The following GNAQ variants were observed in gnomAD, a reference collection of about 807,000 sequenced individuals.
The protein encoded by GNAQ is guanine nucleotide-binding protein G(q) subunit alpha.
Under a neutral mutation model 43.9 loss-of-function variants are expected in GNAQ, and 8 were observed. That is an observed-to-expected ratio of 0.18 (90% CI 0.11 to 0.33). The LOEUF (loss-of-function observed/expected upper bound fraction) is 0.33, where lower values mean the gene tolerates loss of function less well. Among genes scored for constraint, GNAQ ranks in the 10% least tolerant of loss-of-function variants. GNAQ has a pLI of 1.00. For missense variants in GNAQ, 158 were observed against 450.8 expected, an observed-to-expected ratio of 0.35 and a Z score of 5.88; for synonymous variants, 155 against 170.7, an observed-to-expected ratio of 0.91 and a Z score of 0.71.
At chr9:77,880,775 C>G (rs183581221) in intron 2 of GNAQ, among the ~76,000 whole-genome samples, 1 of 152,102 alleles carries the variant, frequency 6.6e-6, no homozygotes, top group South Asian at 2.1e-4. Context: ...CCTGCTGATA[C>G]GCATTATGCC....
chr9:77,920,070 C>T (rs949779154), intron 2 of GNAQ, among the ~76,000 whole-genome samples: 1 of 151,716 alleles, frequency 6.6e-6, no homozygotes, highest in Non-Finnish European at 1.5e-5. Flanking sequence ...ACCTGAGAGG[C>T]GCAGATTGCA....
rs112553971 is a variant in GNAQ at position 78,005,669 on chromosome 9, T to A, written c.136+25431A>T. On this transcript the variant is annotated intron_variant, in intron 1 of 6. Coordinates refer to ENST00000286548, the MANE Select transcript of GNAQ (RefSeq NM_002072.5). Reference sequence around the variant, plus strand: ...ATCCCATGTGATCCTCCCAACAAACTTGGTGCAGTAGTGCATGGGTCAAGG... The same window carrying A: ...ATCCCATGTGATCCTCCCAACAAACATGGTGCAGTAGTGCATGGGTCAAGG... Among the ~76,000 whole-genome samples the A allele has an allele frequency of 5.9e-3, 902 of 152,214 alleles. 3 individuals are homozygous for A. Among genetic ancestry groups the A allele is most frequent in the African/African-American group, 0.02 (851 of 41,518 alleles).
intron 1 of GNAQ, among the ~76,000 whole-genome samples, chr9:78,023,767 A>G (rs1413548851): frequency 1.3e-5 from 2 of 152,142 alleles, no homozygotes; most frequent in African/African-American, 4.8e-5. Flanking sequence ...TTAATTCATG[A>G]TTTTAGTTTT....
chr9:77,967,563 C>G (rs560341655), intron 1 of GNAQ, among the ~76,000 whole-genome samples: 1 of 152,226 alleles, frequency 6.6e-6, no homozygotes. Context: ...AGGAAGCCAG[C>G]CACAAAATGC....
At chr9:77,857,633 A>C (rs1827777698) in intron 2 of GNAQ, among the ~76,000 whole-genome samples, 1 of 128,242 alleles carries the variant, frequency 7.8e-6, no homozygotes, top group African/African-American at 2.9e-5. Flanking sequence ...AAGAAAAGGA[A>C]GGACGGAAAG....
At chr9:77,893,927 C>T (rs891447785) in intron 2 of GNAQ, among the ~76,000 whole-genome samples, 3 of 152,024 alleles carry the variant, frequency 2.0e-5, no homozygotes, top group South Asian at 4.2e-4. Flanking sequence ...CTTCTTCCTC[C>T]CCACTCTCAC....
intron 1 of GNAQ, among the ~76,000 whole-genome samples, chr9:77,954,734 T>G (rs1823021693): frequency 6.6e-6 from 1 of 152,194 alleles, no homozygotes; most frequent in South Asian, 2.1e-4. Flanking sequence ...CACAGGGCTA[T>G]TAAGAGATCA....
intron 5 of GNAQ, among the ~76,000 whole-genome samples, chr9:77,779,434 T>C (rs2118397424): frequency 6.6e-6 from 1 of 151,966 alleles, no homozygotes; most frequent in South Asian, 2.1e-4. Context: ...ATTTATAGTA[T>C]TAAATGCAAA....
intron 1 of GNAQ, among the ~76,000 whole-genome samples, chr9:77,932,155 T>C (rs1357166944): frequency 1.3e-5 from 2 of 152,198 alleles, no homozygotes; most frequent in Non-Finnish European, 2.9e-5. Flanking sequence ...ATTCACCTTA[T>C]CTAGTCTCAG....
chr9:77,850,211 GT>G (rs1471987216), intron 2 of GNAQ, among the ~76,000 whole-genome samples: 1 of 152,134 alleles, frequency 6.6e-6, no homozygotes, highest in East Asian at 1.9e-4. Context: ...TCAGAAGCTG[GT>G]TTTCTTCTCA....
At chr9:77,920,311 T>G (rs1828978559) in intron 2 of GNAQ, among the ~76,000 whole-genome samples, 1 of 152,136 alleles carries the variant, frequency 6.6e-6, no homozygotes, top group Non-Finnish European at 1.5e-5. Flanking sequence ...TCCTGAAGGA[T>G]TCTTCTGGAA....
At chr9:78,021,137 C>T (rs1823904162) in intron 1 of GNAQ, among the ~76,000 whole-genome samples, 1 of 149,534 alleles carries the variant, frequency 6.7e-6, no homozygotes, top group African/African-American at 2.5e-5. Context: ...GCAGCCCTGA[C>T]CACCCAGGCT....
chr9:77,809,662 A>C (rs1826887671), intron 3 of GNAQ, among the ~76,000 whole-genome samples: 1 of 152,198 alleles, frequency 6.6e-6, no homozygotes, highest in Admixed American at 6.5e-5. Flanking sequence ...GCCAATTGCA[A>C]ATGTATCCAC....
chr9:77,940,963 CA>C (rs575987702), intron 1 of GNAQ, among the ~76,000 whole-genome samples: 1,991 of 112,928 alleles, frequency 0.018, 41 homozygotes, highest in African/African-American at 0.057. Context: ...GACTCCGTCT[CA>C]AAAAAAAAAA....
chr9:77,970,333 A>G (rs887711891), intron 1 of GNAQ, among the ~76,000 whole-genome samples: 1 of 152,110 alleles, frequency 6.6e-6, no homozygotes, highest in African/African-American at 2.4e-5. Flanking sequence ...CCTGCATCAC[A>G]TCTGCCCTGG....
intron 1 of GNAQ, among the ~76,000 whole-genome samples, chr9:77,987,452 G>A (rs1281130592): frequency 6.6e-6 from 1 of 152,116 alleles, no homozygotes; most frequent in East Asian, 1.9e-4. Flanking sequence ...CTCTTTTGAT[G>A]ACAGAAAAGG....
chr9:77,923,338 G>T (rs1018705145), intron 1 of GNAQ, among the ~76,000 whole-genome samples: 1 of 152,102 alleles, frequency 6.6e-6, no homozygotes, highest in African/African-American at 2.4e-5. Context: ...GAAATTTATT[G>T]TGATTAGCTT....
chr9:77,816,840 G>A (rs1180172624), intron 2 of GNAQ, among the ~76,000 whole-genome samples: 2 of 152,274 alleles, frequency 1.3e-5, no homozygotes, highest in East Asian at 3.9e-4. Flanking sequence ...TAATAAATGT[G>A]ATCCATGTTA....
At chr9:77,890,957 T>G (rs1014922492) in intron 2 of GNAQ, among the ~76,000 whole-genome samples, 7 of 152,180 alleles carry the variant, frequency 4.6e-5, no homozygotes, top group Non-Finnish European at 1.0e-4. Context: ...AGTGAGACTC[T>G]GTCTCCCTGG....
Sources: gnomAD v4.1 joint callset for allele counts (sites outside exome capture counted in the v4.1 genomes callset) on GRCh38, gnomAD v4.1.1 for gene constraint, MANE v1.5 for transcripts, NCBI Gene and HGNC (gene_info 2026-07-23, HGNC 2026-07-21) for gene names.